ENOSF1: variants seen among roughly 807,000 people sequenced by gnomAD.
ENOSF1 encodes enolase superfamily member 1.
Under a neutral mutation model 68.2 loss-of-function variants are expected in ENOSF1, and 73 were observed. The ratio of observed to expected loss-of-function variants is 1.07; its 90% CI spans 0.89 to 1.30. The LOEUF is 1.30. ENOSF1 is among the 50% of genes most tolerant of loss of function. The probability of loss-of-function intolerance (pLI) is 0.00; values close to 1 mark genes in which losing one functional copy is unlikely to be tolerated. For missense variants in ENOSF1, 589 were observed against 554.5 expected, an observed-to-expected ratio of 1.06 and a Z score of -0.62; for synonymous variants, 223 against 210.4, an observed-to-expected ratio of 1.06 and a Z score of -0.52.
chr18:676,916 C>T (rs781172179), intron 14 of ENOSF1, among the ~76,000 whole-genome samples: 3 of 152,216 alleles, frequency 2.0e-5, no homozygotes, highest in African/African-American at 7.2e-5. Context: ...CAAAACCCTA[C>T]GTGTGCAGAT....
intron 3 of ENOSF1, 92 bp downstream of exon 3, chr18:697,148 C>G (rs1258948682): frequency 2.3e-6 from 2 of 874,266 alleles, no homozygotes; most frequent in East Asian, 2.5e-5. Context: ...ATAAATAAAC[C>G]CATCTCTATT....
At chr18:678,830 G>T in intron 11 of ENOSF1, 93 bp from the exon 12 acceptor site, 1 of 1,393,048 alleles carries the variant, frequency 7.2e-7, no homozygotes, top group Non-Finnish European at 1.0e-6. Context: ...GGAGGAAACG[G>T]CCCTGCTGTT....
intron 1 of ENOSF1, among the ~76,000 whole-genome samples, chr18:710,166 T>C: frequency 6.6e-6 from 1 of 152,024 alleles, no homozygotes; most frequent in Non-Finnish European, 1.5e-5. Context: ...TGGAGTGCAG[T>C]GACACAATTA....
the ENOSF1 span, among the ~76,000 whole-genome samples, chr18:665,288 T>A: frequency 6.6e-6 from 1 of 151,012 alleles, no homozygotes. Context: ...TCTTCTAGAT[T>A]TTCTAGTTTA....
chr18:669,004 TC>T (rs2074922239), downstream of ENOSF1: 54 of 1,363,596 alleles, frequency 4.0e-5, no homozygotes, highest in Non-Finnish European at 5.5e-5. Flanking sequence ...ATAGATGACC[TC>T]TAAGGCCATC....
rs924164308 is a variant in ENOSF1, at chr18:673,452, AT to A, written c.*852del. ...GAGTGTGGTTATGAACTTTAAAGTT[AT>A]AGTTGTTTTATATGTTGCTATAATA... On this transcript the variant is annotated 3_prime_UTR_variant, in exon 16 of 16. Transcript: ENST00000647584. 2.2e-4 allele frequency: 45 copies of A among 205,616 alleles called. No homozygotes were observed. The highest frequency in any genetic ancestry group is 1.8e-4 in the Admixed American group (3 of 16,798). The allele number at this position is 205,616 out of a possible 1,614,324, so 12.7% of individuals were successfully genotyped here.
chr18:709,454 A>C (rs1029380200), intron 1 of ENOSF1, among the ~76,000 whole-genome samples: 1 of 152,172 alleles, frequency 6.6e-6, no homozygotes, highest in African/African-American at 2.4e-5. Flanking sequence ...CAGAGAAGAA[A>C]GGAACAGAAG....
intron 11 of ENOSF1, among the ~76,000 whole-genome samples, chr18:682,449 C>T (rs2076166708): frequency 1.3e-5 from 2 of 152,220 alleles, no homozygotes; most frequent in African/African-American, 2.4e-5. Flanking sequence ...TTTTCAGCTC[C>T]ATTATAAGCT....
At chr18:690,833 C>G (rs1568075997) in intron 7 of ENOSF1, 3 of 1,434,298 alleles carry the variant, frequency 2.1e-6, no homozygotes, top group Non-Finnish European at 2.8e-6. Context: ...TCCCCCAGGG[C>G]TCTCCCTACA....
In ENOSF1 at chr18:692,599, A is replaced by AC. The variant is rs1461486334; in HGVS notation, c.423+1282_423+1283insG. ...GCAACAAGAAGAAAACTCCGTCTAA[A>AC]AAAAAAAAAAAGAAAGAAAGAAAAA... On this transcript the variant is annotated intron_variant, in intron 5 of 15. Coordinates refer to ENST00000647584, the MANE Select transcript of ENOSF1 (RefSeq NM_017512.7). 6.1e-6 allele frequency: 4 copies of AC among 652,924 alleles called. No homozygotes were observed. In the Admixed American group the frequency reaches 2.7e-4, roughly 44 times the overall value. 40.4% of individuals were successfully genotyped at this position (652,924 alleles called of 1,614,324 possible). A position where few individuals can be genotyped will look rare whatever the true frequency, so the allele number is the denominator to read the frequency against.
intron 11 of ENOSF1, chr18:682,970 C>T (rs2076230508): frequency 2.6e-6 from 1 of 382,782 alleles, no homozygotes; most frequent in African/African-American, 2.1e-5. Context: ...AGCATAGGAA[C>T]CATGTCTATT....
In ENOSF1 at chr18:712,396, C is replaced by G. The variant is rs1366000316; in HGVS notation, c.84+108G>C. 6.5e-7 allele frequency: 1 copy of G among 1,527,550 alleles called. No individual in the cohort carries two copies. The highest frequency in any genetic ancestry group is 1.4e-5 in the African/African-American group (1 of 71,674). 94.6% of individuals were successfully genotyped at this position (1,527,550 alleles called of 1,614,324 possible). A position where few individuals can be genotyped will look rare whatever the true frequency, so the allele number is the denominator to read the frequency against. On this transcript the variant is annotated intron_variant, in intron 1 of 15. Transcript: ENST00000647584. ...CGCTTACCATGGCGTCCGCGCTTACCATGGCGTCCGCGCTTACCATGGCGT... is the reference window on the plus strand; with the variant it reads ...CGCTTACCATGGCGTCCGCGCTTACGATGGCGTCCGCGCTTACCATGGCGT...
intron 1 of ENOSF1, among the ~76,000 whole-genome samples, chr18:708,751 A>G (rs2079199496): frequency 6.6e-6 from 1 of 152,072 alleles, no homozygotes; most frequent in Non-Finnish European, 1.5e-5. Context: ...TATCTCAGGC[A>G]AGGTAGCAGC....
At chr18:686,948 GC>G (rs1015850666) in intron 9 of ENOSF1, 35 of 152,408 alleles carry the variant, frequency 2.3e-4, no homozygotes, top group Admixed American at 1.9e-3. Flanking sequence ...GGCTCTGGGT[GC>G]CAGGCTTCCT....
chr18:703,099 T>C (rs2078543370), intron 2 of ENOSF1, among the ~76,000 whole-genome samples: 1 of 152,174 alleles, frequency 6.6e-6, no homozygotes. Flanking sequence ...TCTGTCATGT[T>C]GTGGTCTGAA....
chr18:692,622 A>G, intron 5 of ENOSF1: 1 of 811,866 alleles, frequency 1.2e-6, no homozygotes, highest in South Asian at 5.6e-5. Context: ...AAAGAAAGAA[A>G]AAAAGAAAAA....
intron 2 of ENOSF1, among the ~76,000 whole-genome samples, chr18:699,123 GT>G (rs2078054005): frequency 6.6e-6 from 1 of 152,172 alleles, no homozygotes; most frequent in South Asian, 2.1e-4. Flanking sequence ...GCCTCCTGAA[GT>G]GTTGGGATTA....
chr18:705,730 C>T (rs1454070716), intron 2 of ENOSF1, among the ~76,000 whole-genome samples: 3 of 151,912 alleles, frequency 2.0e-5, no homozygotes, highest in East Asian at 1.9e-4. Context: ...TTGAAAAGGC[C>T]GGGTGTGATG....
Position 672,874 on chromosome 18 carries a change from C to A in ENOSF1, c.*1431G>T. The A allele has an allele frequency of 6.3e-7, 1 of 1,583,732 alleles. No homozygotes were observed. The highest frequency in any genetic ancestry group is 8.6e-7 in the Non-Finnish European group (1 of 1,156,802). On this transcript the variant is annotated 3_prime_UTR_variant, in exon 16 of 16. Coordinates refer to ENST00000647584, the MANE Select transcript of ENOSF1 (RefSeq NM_017512.7). ...TTTGTTTTTAGCTTCAGCGAGAACC[C>A]AGACCTTTCCCAAAGCTCAGGATTC... is the stretch of plus-strand genomic sequence containing the variant.
Sources: gnomAD v4.1 joint callset for allele counts (sites outside exome capture counted in the v4.1 genomes callset) on GRCh38, gnomAD v4.1.1 for gene constraint, MANE v1.5 for transcripts, NCBI Gene and HGNC (gene_info 2026-07-23, HGNC 2026-07-21) for gene names.